Variants in PUS1 observed in about 807,000 individuals in gnomAD.
The protein encoded by PUS1 is pseudouridylate synthase 1 homolog.
PUS1 carries 25 observed loss-of-function variants against 38.5 expected under a neutral mutation model. The ratio of observed to expected loss-of-function variants is 0.65; its 90% CI spans 0.47 to 0.91. The LOEUF (loss-of-function observed/expected upper bound fraction) is 0.91. Ranked by LOEUF, PUS1 falls within the 40% of genes least tolerant of loss-of-function variation. The pLI, the probability that PUS1 is intolerant of heterozygous loss-of-function variation, is 0.00. For missense variants in PUS1, 597 were observed against 612.3 expected (o/e 0.97, Z 0.26); for synonymous variants, 282 against 260.4 (o/e 1.08, Z -0.80).
chr12:131,944,197 CA>C lies in PUS1; in HGVS notation c.*625del, dbSNP rs990664870. 4.5e-3 allele frequency: 564 copies of C among 126,126 alleles called. No homozygotes were observed. The highest frequency in any genetic ancestry group is 6.0e-3 in the African/African-American group (204 of 34,164). 7.8% of individuals were successfully genotyped at this position (126,126 alleles called of 1,614,324 possible). ...AGGCTGCCCTGATTGCCACTGCACTCAAAAAAAAAAAAAACAACAACAACCA... is the reference window on the plus strand; with the variant it reads ...AGGCTGCCCTGATTGCCACTGCACTCAAAAAAAAAAAAACAACAACAACCA... On this transcript the variant is annotated 3_prime_UTR_variant, in exon 6 of 6. Coordinates refer to ENST00000376649, the MANE Select transcript of PUS1 (RefSeq NM_025215.6).
rs1384843982 is a variant in PUS1 at position 131,943,736 on chromosome 12, G to A, written c.*150G>A. On this transcript the variant is annotated 3_prime_UTR_variant, in exon 6 of 6. Transcript: ENST00000376649. Reference sequence around the variant, plus strand: ...TGTAACCTCAGGACCTTCCCTTGTAGGAACAGCCTTTCTCGAATCTGTTTT... The same window carrying A: ...TGTAACCTCAGGACCTTCCCTTGTAAGAACAGCCTTTCTCGAATCTGTTTT... 5 of 689,064 alleles carry A rather than the reference G, an allele frequency of 7.3e-6. No individual in the cohort carries two copies. In the Admixed American group the frequency reaches 1.0e-4, roughly 14 times the overall value. 42.7% of individuals were successfully genotyped at this position (689,064 alleles called of 1,614,324 possible).
At position 131,939,258 on chromosome 12, in the gene PUS1, C is replaced by G. The variant is rs746989508; in HGVS notation, c.527C>G (p.Ser176Cys). ...GAAAAGATCAACAGCCACCTTCCCTCTCACATTCGGATTCTGGGTAAGCCT... is the reference window on the plus strand; with the variant it reads ...GAAAAGATCAACAGCCACCTTCCCTGTCACATTCGGATTCTGGGTAAGCCT... ...ILEKINSHLP[S>C]HIRILGLKRV... Residue 176 changes from serine to cysteine, a missense_variant, in exon 4 of 6, where the codon TCT becomes TGT. Physicochemically the swap from Ser to Cys is moderately radical, Grantham distance 112 (BLOSUM62 -1). Transcript: ENST00000376649. 1 of 1,556,692 alleles carries G rather than the reference C, an allele frequency of 6.4e-7. No individual in the cohort carries two copies. Among genetic ancestry groups the G allele is most frequent in the Non-Finnish European group, 8.7e-7 (1 of 1,148,718 alleles).
rs573990107 is a variant in PUS1 at position 131,941,218 on chromosome 12, C to T, written c.545-74C>T. On this transcript the variant is annotated intron_variant, in intron 4 of 5. Transcript: ENST00000376649. This position sits in a 1 kb window ranked among gnomAD's most constrained non-coding sequence, Gnocchi z 4.4. The stretch of plus-strand genomic sequence containing the variant: ...GGTAAGGAGACGCTGGGGCTCACGC[C>T]GTGCTCAGGCTGCTCCCTGGTCATC... The T allele has an allele frequency of 2.3e-4, 307 of 1,332,318 alleles. 1 individual carries two copies. Among genetic ancestry groups the T allele is most frequent in the Non-Finnish European group, 2.6e-4 (245 of 936,402 alleles). 82.5% of individuals were successfully genotyped at this position (1,332,318 alleles called of 1,614,324 possible).
In PUS1 at chr12:131,929,276, A is replaced by C. The variant is rs866109543; in HGVS notation, c.-447A>C. ...CGCCCACGTGGTCCGGCTCCGGCTCAGTCAGCCGCGTCGCGAATGGGGCAG... is the reference window on the plus strand; with the variant it reads ...CGCCCACGTGGTCCGGCTCCGGCTCCGTCAGCCGCGTCGCGAATGGGGCAG... On this transcript the variant is annotated 5_prime_UTR_variant, in exon 1 of 6. Transcript: ENST00000376649. 5.1e-4 allele frequency: 87 copies of C among 170,336 alleles called. 1 individual carries two copies. The highest frequency in any genetic ancestry group is 2.0e-3 in the African/African-American group (84 of 42,178). 10.6% of individuals were successfully genotyped at this position (170,336 alleles called of 1,614,324 possible).
intron 3 of PUS1, among the ~76,000 whole-genome samples, chr12:131,935,753 G>C (rs1890796200): frequency 6.6e-6 from 1 of 151,744 alleles, no homozygotes; most frequent in African/African-American, 2.4e-5. Context: ...GGCTGGTCTC[G>C]AACTCCTGAC....
rs1161096087 is a variant in PUS1 at position 131,939,245 on chromosome 12, A to G, written c.514A>G (p.Ser172Gly). 1.5e-5 allele frequency: 24 copies of G among 1,559,624 alleles called. No homozygotes were observed. The highest frequency in any genetic ancestry group is 2.1e-5 in the Non-Finnish European group (24 of 1,150,408). ...LIDDILEKIN[S>G]HLPSHIRILG... is the part of the protein sequence containing the mutation. ...TGACGACATTCTAGAAAAGATCAACAGCCACCTTCCCTCTCACATTCGGAT... is the reference window on the plus strand; with the variant it reads ...TGACGACATTCTAGAAAAGATCAACGGCCACCTTCCCTCTCACATTCGGAT... Residue 172 changes from serine to glycine, a missense_variant, in exon 4 of 6, where the codon AGC becomes GGC. By Grantham distance (56) the Ser-to-Gly change is moderately conservative (BLOSUM62 0). Coordinates refer to ENST00000376649, the MANE Select transcript of PUS1 (RefSeq NM_025215.6).
intron 4 of PUS1, among the ~76,000 whole-genome samples, chr12:131,939,949 C>T (rs977667397): frequency 3.9e-5 from 6 of 152,086 alleles, no homozygotes; most frequent in African/African-American, 1.4e-4. Flanking sequence ...GGGCGTGAAT[C>T]TGTCGTCTTG....
chr12:131,936,376 A>G (rs888328591), intron 3 of PUS1, among the ~76,000 whole-genome samples: 3 of 151,666 alleles, frequency 2.0e-5, no homozygotes, highest in Admixed American at 6.6e-5. Context: ...CAGCCTGGTC[A>G]ATATGGCGAA....
At chr12:131,930,741 A>T (rs1408615459) in intron 2 of PUS1, among the ~76,000 whole-genome samples, 2 of 151,970 alleles carry the variant, frequency 1.3e-5, no homozygotes, top group African/African-American at 4.8e-5. Flanking sequence ...CTCCCACCTC[A>T]GCCTCCCGAA....
intron 3 of PUS1, among the ~76,000 whole-genome samples, chr12:131,933,137 CG>C (rs1299894307): frequency 2.0e-5 from 3 of 151,192 alleles, no homozygotes; most frequent in Non-Finnish European, 4.4e-5. Flanking sequence ...TGAGATTTGG[CG>C]GGGACACAGC....
chr12:131,945,770 TA>T lies in PUS1; in HGVS notation c.*2185del, dbSNP rs1333557497. The T allele has an allele frequency of 6.6e-6, 1 of 152,386 alleles. No individual in the cohort carries two copies. The highest frequency in any genetic ancestry group is 1.5e-5 in the Non-Finnish European group (1 of 68,142). 9.4% of individuals were successfully genotyped at this position (152,386 alleles called of 1,614,324 possible). A position where few individuals can be genotyped will look rare whatever the true frequency, so the allele number is the denominator to read the frequency against. On this transcript the variant is annotated 3_prime_UTR_variant, in exon 6 of 6. Transcript: ENST00000376649. ...CCTTGGCCTCCCAAAGTGCTGGGAT[TA>T]CAGGCGTGAGCCACCGTGCCCGGCC...
chr12:131,936,380 T>C (rs1322747507), intron 3 of PUS1, among the ~76,000 whole-genome samples: 2 of 151,432 alleles, frequency 1.3e-5, no homozygotes, highest in Non-Finnish European at 2.9e-5. Flanking sequence ...CTGGTCAATA[T>C]GGCGAAACCC....
At position 131,942,686 on chromosome 12, in the gene PUS1, G is replaced by A. The variant is rs573425946; in HGVS notation, c.1236+703G>A. On this transcript the variant is annotated intron_variant, in intron 5 of 5. Coordinates refer to ENST00000376649, the MANE Select transcript of PUS1 (RefSeq NM_025215.6). Reference sequence around the variant, plus strand: ...CTCCCAAAGTGCTGGGATTACAGTCGTGAGCCACTGCGTCCGGCCAGCCTG... The same window carrying A: ...CTCCCAAAGTGCTGGGATTACAGTCATGAGCCACTGCGTCCGGCCAGCCTG... Among the ~76,000 whole-genome samples the A allele has an allele frequency of 1.8e-4, 28 of 152,324 alleles. No individual in the cohort carries two copies. In the East Asian group the frequency reaches 4.8e-3, roughly 26 times the overall value.
chr12:131,940,459 A>G (rs894976798), intron 4 of PUS1, among the ~76,000 whole-genome samples: 4 of 152,222 alleles, frequency 2.6e-5, no homozygotes, highest in Admixed American at 6.5e-5. Context: ...CTGCTGAAGG[A>G]CATTGGATGA....
chr12:131,931,989 AG>A (rs1380991570), intron 2 of PUS1, 185 bp from the exon 3 acceptor site: 1 of 689,502 alleles, frequency 1.5e-6, no homozygotes, highest in East Asian at 2.7e-5. Context: ...AGCATGGAGC[AG>A]CCCGGCCCCA....
intron 3 of PUS1, among the ~76,000 whole-genome samples, chr12:131,935,379 T>A (rs1371056951): frequency 6.6e-6 from 1 of 152,242 alleles, no homozygotes; most frequent in Non-Finnish European, 1.5e-5. Flanking sequence ...TTATTTTTAT[T>A]TCTGCTGTTA....
chr12:131,937,772 T>G (rs2136439173), intron 3 of PUS1, among the ~76,000 whole-genome samples: 1 of 152,068 alleles, frequency 6.6e-6, no homozygotes, highest in Non-Finnish European at 1.5e-5. Flanking sequence ...TCTTGAACTC[T>G]TGGGCTCAAG....
chr12:131,940,283 A>G (rs1891009957), intron 4 of PUS1, among the ~76,000 whole-genome samples: 1 of 152,164 alleles, frequency 6.6e-6, no homozygotes, highest in Non-Finnish European at 1.5e-5. Context: ...TACCTGCCTC[A>G]GCCTCCCAAA....
intron 3 of PUS1, among the ~76,000 whole-genome samples, chr12:131,937,231 A>G (rs1890870961): frequency 6.6e-6 from 1 of 152,222 alleles, no homozygotes; most frequent in South Asian, 2.1e-4. Flanking sequence ...CCTTCATAAA[A>G]GTCTTAAGAA....
Sources: allele counts gnomAD v4.1 joint callset (sites outside exome capture counted in the v4.1 genomes callset), GRCh38; gene constraint gnomAD v4.1.1; non-coding constraint Gnocchi (gnomAD v3.1); transcripts MANE v1.5; gene names NCBI Gene and HGNC (gene_info 2026-07-23, HGNC 2026-07-21).